Variants in RAB3GAP2 observed in about 807,000 individuals in gnomAD.
RAB3GAP2 encodes the protein RAB3 GTPase activating non-catalytic protein subunit 2.
A neutral mutation model predicts 185.3 loss-of-function variants in RAB3GAP2; 87 were observed. The ratio of observed to expected loss-of-function variants is 0.47; its 90% CI spans 0.39 to 0.56. The LOEUF is 0.56. RAB3GAP2 is among the 20% of genes least tolerant of loss of function. RAB3GAP2 has a pLI of 0.00. For missense variants in RAB3GAP2, 1,492 were observed against 1,638.2 expected, an observed-to-expected ratio of 0.91 and a Z score of 1.54; for synonymous variants, 554 against 576.1, an observed-to-expected ratio of 0.96 and a Z score of 0.55.
chr1:220,185,861 G>A (rs1658498437), intron 17 of RAB3GAP2, 120 bp from the exon 18 acceptor site: 1 of 734,474 alleles, frequency 1.4e-6, no homozygotes, highest in Admixed American at 2.2e-5. Context: ...CTATATTTAA[G>A]ATGTTTTAGT....
chr1:220,210,625 T>C lies in RAB3GAP2; in HGVS notation c.511-136A>G, dbSNP rs754937778. 4.2e-6 allele frequency: 4 copies of C among 956,272 alleles called. No homozygotes were observed. The African/African-American group carries it at 6.5e-5, about 15-fold the overall frequency. 59.2% of individuals were successfully genotyped at this position (956,272 alleles called of 1,614,324 possible). A position where few individuals can be genotyped will look rare whatever the true frequency, so the allele number is the denominator to read the frequency against. ...TACACTCTTTTCAGAATACAGCTCC[T>C]CTTCTCTGTATCTTCTACCAGAACT... On this transcript the variant is annotated intron_variant, in intron 6 of 34. Transcript: ENST00000358951.
chr1:220,164,473 G>GTTTTTT (rs35024056), intron 27 of RAB3GAP2, among the ~76,000 whole-genome samples: 53 of 105,614 alleles, frequency 5.0e-4, no homozygotes, highest in African/African-American at 1.3e-3. Flanking sequence ...TTTTTGTTTT[G>GTTTTTT]TTTTTTTTTT....
rs1657918669 is a variant in RAB3GAP2 at position 220,159,313 on chromosome 1, A to C, written c.3261+73T>G. ...CAATGATAAAAGGCAAAGTTCACCTATACAGTTAATAAAGTACTACATAAA... is the reference window on the plus strand; with the variant it reads ...CAATGATAAAAGGCAAAGTTCACCTCTACAGTTAATAAAGTACTACATAAA... On this transcript the variant is annotated intron_variant, in intron 29 of 34. Transcript: ENST00000358951. 3.2e-6 allele frequency: 4 copies of C among 1,254,918 alleles called. No individual in the cohort carries two copies. The South Asian group carries it at 5.0e-5, about 16-fold the overall frequency. 77.7% of individuals were successfully genotyped at this position (1,254,918 alleles called of 1,614,324 possible). A position where few individuals can be genotyped will look rare whatever the true frequency, so the allele number is the denominator to read the frequency against.
At chr1:220,183,274 G>C (rs1044668015) in intron 19 of RAB3GAP2, among the ~76,000 whole-genome samples, 1 of 149,642 alleles carries the variant, frequency 6.7e-6, no homozygotes, top group Non-Finnish European at 1.5e-5. Flanking sequence ...TTTGAGACAG[G>C]GTCTCACTTT....
chr1:220,187,506 T>C (rs192549946), intron 17 of RAB3GAP2, among the ~76,000 whole-genome samples: 16 of 152,288 alleles, frequency 1.1e-4, no homozygotes, highest in Non-Finnish European at 1.6e-4. Context: ...TATTTGAGGA[T>C]TGAAACTTTT....
chr1:220,208,682 C>T (rs1305412083), intron 7 of RAB3GAP2, among the ~76,000 whole-genome samples: 1 of 152,144 alleles, frequency 6.6e-6, no homozygotes, highest in African/African-American at 2.4e-5. Context: ...TACATCTCTA[C>T]ACAATAACCA....
At position 220,148,368 on chromosome 1, in the gene RAB3GAP2, A is replaced by G. The variant is rs972922768; in HGVS notation, c.*2883T>C. ...GAACAGACAGAAAATAGCAGTATAT[A>G]CAGAATTTCACTACTTACAGTACAT... On this transcript the variant is annotated 3_prime_UTR_variant, in exon 35 of 35. Coordinates refer to ENST00000358951, the MANE Select transcript of RAB3GAP2 (RefSeq NM_012414.4). 6.6e-6 allele frequency: 1 copy of G among 152,348 alleles called. No homozygotes were observed. The highest frequency in any genetic ancestry group is 6.5e-5 in the Admixed American group (1 of 15,290). 9.4% of individuals were successfully genotyped at this position (152,348 alleles called of 1,614,324 possible).
At chr1:220,235,389 T>C (rs1336500486) in intron 1 of RAB3GAP2, among the ~76,000 whole-genome samples, 1 of 152,228 alleles carries the variant, frequency 6.6e-6, no homozygotes, top group Non-Finnish European at 1.5e-5. Context: ...GAATATGTAT[T>C]ATCTCTTACA....
chr1:220,226,256 GAAGGA>G (rs1253354122), intron 2 of RAB3GAP2, among the ~76,000 whole-genome samples: 1 of 152,078 alleles, frequency 6.6e-6, no homozygotes, highest in Non-Finnish European at 1.5e-5. Flanking sequence ...ATACACCAAT[GAAGGA>G]AAGTCCATTA....
intron 31 of RAB3GAP2, 101 bp downstream of exon 31, chr1:220,157,169 C>T: frequency 2.0e-6 from 2 of 1,019,768 alleles, no homozygotes; most frequent in Non-Finnish European, 3.0e-6. Flanking sequence ...CAAATTATAC[C>T]AGTCACAAAA....
chr1:220,228,384 G>A (rs890089603), intron 2 of RAB3GAP2, among the ~76,000 whole-genome samples: 1 of 152,162 alleles, frequency 6.6e-6, no homozygotes, highest in African/African-American at 2.4e-5. Flanking sequence ...TCTTACTTCA[G>A]CTGAGTAGAT....
intron 7 of RAB3GAP2, among the ~76,000 whole-genome samples, chr1:220,208,903 G>C (rs1304411442): frequency 2.6e-5 from 4 of 152,114 alleles, no homozygotes; most frequent in Admixed American, 1.3e-4. Flanking sequence ...TTTTAGTAGA[G>C]ACAGGGTTTC....
intron 1 of RAB3GAP2, among the ~76,000 whole-genome samples, chr1:220,261,786 G>A (rs890718483): frequency 1.3e-5 from 2 of 151,984 alleles, no homozygotes; most frequent in Non-Finnish European, 2.9e-5. Flanking sequence ...ACCATCAATG[G>A]CTACCCTCTG....
intron 7 of RAB3GAP2, among the ~76,000 whole-genome samples, chr1:220,208,705 T>G (rs1659020720): frequency 6.6e-6 from 1 of 152,010 alleles, no homozygotes; most frequent in Admixed American, 6.5e-5. Context: ...TCCTATTAAT[T>G]TCTTCTTCAA....
At position 220,212,897 on chromosome 1, in the gene RAB3GAP2, C is replaced by G; in HGVS notation, c.376G>C (p.Val126Leu). ...TTAACTGGCACCTACCCTTCTTCGA[C>G]ATTTAAGGAACCACTCCAGCCAACA... is the stretch of plus-strand genomic sequence containing the variant. ...FAVGWSGSLN[V>L]EEGECVTSAL... is the part of the protein sequence containing the mutation. Residue 126 changes from valine (V) to leucine (L), a missense_variant, in exon 4 of 35, where the codon GTC (valine) becomes CTC (leucine). Val to Leu is a conservative substitution (Grantham distance 32). Around this residue, in one of 5 missense-constraint regions of RAB3GAP2, gnomAD observed 177 missense variants for 160.6 expected, o/e 1.10. Transcript: ENST00000358951. The G allele has an allele frequency of 6.2e-7, 1 of 1,612,832 alleles. No homozygotes were observed. Among genetic ancestry groups the G allele is most frequent in the Non-Finnish European group, 8.5e-7 (1 of 1,178,940 alleles).
rs1658692248 is a variant in RAB3GAP2 at position 220,194,792 on chromosome 1, C to T, written c.1130+286G>A. On this transcript the variant is annotated intron_variant, in intron 12 of 34. Transcript: ENST00000358951. ...TTTAAAAGAAATTTAACAGCTATCA[C>T]TGAATTAATTCTCCTACAACTAAGC... 3.3e-5 allele frequency among the ~76,000 whole-genome samples: 5 copies of T among 152,216 alleles called. No homozygotes were observed. In the South Asian group the frequency reaches 1.0e-3, roughly 31 times the overall value.
chr1:220,182,842 T>C lies in RAB3GAP2; in HGVS notation c.2088A>G (p.Thr696=), dbSNP rs2577126. 6.6e-3 allele frequency: 10,647 copies of C among 1,613,554 alleles called. 552 individuals are homozygous for C. In the African/African-American group the frequency reaches 0.12, roughly 18 times the overall value. The change falls in exon 20 of 35, where the codon ACA becomes ACG. Residue 696 remains threonine (T), a synonymous_variant. Transcript: ENST00000358951. ...CTTTATCATCAGAAAATCGAACATTTGTCCTGGTGTTCTCTTGCTTATATT... is the reference window on the plus strand; with the variant it reads ...CTTTATCATCAGAAAATCGAACATTCGTCCTGGTGTTCTCTTGCTTATATT... ...LEKYKQENTR[T]NVRFSDDKDG...
Position 220,164,784 on chromosome 1 carries a change from C to T in RAB3GAP2, c.3103G>A (p.Val1035Ile). The T allele has an allele frequency of 6.2e-7, 1 of 1,608,058 alleles. No individual in the cohort carries two copies. The highest frequency in any genetic ancestry group is 8.5e-7 in the Non-Finnish European group (1 of 1,176,544). ...TGCTTCAAGTGTTCTATTGACCTAA[C>T]AAAAAAACGTGCTTCCTTACATACA... is the stretch of plus-strand genomic sequence containing the variant. ...NKDPEEARFF[V>I]RSIEHLKQIF... Residue 1035 changes from valine to isoleucine, a missense_variant, in exon 27 of 35, where the codon GTT becomes ATT. Physicochemically the swap from Val to Ile is conservative, Grantham distance 29. Around this residue, in one of 5 missense-constraint regions of RAB3GAP2, gnomAD observed 387 missense variants for 455.3 expected, o/e 0.85. Transcript: ENST00000358951.
intron 2 of RAB3GAP2, among the ~76,000 whole-genome samples, chr1:220,220,066 A>G (rs1659276636): frequency 6.6e-6 from 1 of 152,226 alleles, no homozygotes; most frequent in African/African-American, 2.4e-5. Flanking sequence ...TCATTTGACA[A>G]GGTAATTTCC....
Sources: allele counts gnomAD v4.1 joint callset (sites outside exome capture counted in the v4.1 genomes callset), GRCh38; gene constraint gnomAD v4.1.1; regional missense constraint gnomAD v4.1.1; transcripts MANE v1.5; gene names NCBI Gene and HGNC (gene_info 2026-07-23, HGNC 2026-07-21).